VSTM5: variants seen among roughly 807,000 people sequenced by gnomAD.
VSTM5 encodes the protein V-set and transmembrane domain-containing protein 5.
A neutral mutation model predicts 20.3 loss-of-function variants in VSTM5; 21 were observed. The ratio of observed to expected loss-of-function variants is 1.03; its 90% CI spans 0.73 to 1.49. The LOEUF (loss-of-function observed/expected upper bound fraction) is 1.49. Among genes scored for constraint, VSTM5 ranks in the 40% most tolerant of loss-of-function variants. The pLI, the probability that VSTM5 is intolerant of heterozygous loss-of-function variation, is 0.00. For synonymous variants in VSTM5, 100 were observed against 102.5 expected (o/e 0.98, Z 0.14); for missense variants, 219 against 250.0 (o/e 0.88, Z 0.84).
intron 1 of VSTM5, among the ~76,000 whole-genome samples, chr11:93,829,051 C>T (rs943632839): frequency 5.9e-5 from 9 of 152,152 alleles, no homozygotes; most frequent in African/African-American, 1.7e-4. Context: ...AGCAACAGGC[C>T]GGGCAATGAC....
chr11:93,821,109 GT>G lies in VSTM5; in HGVS notation c.305del (p.Asn102ThrfsTer11). 6.4e-7 allele frequency: 1 copy of G among 1,552,010 alleles called. No individual in the cohort carries two copies. Among genetic ancestry groups the G allele is most frequent in the Middle Eastern group, 1.7e-4 (1 of 5,996 alleles). ...SHKDRVCTFD[N>X]GSIQLFSVGV... ...CCACGCTGAAGAGCTGGATGGAGCC[GT>G]TGTCAAAGGTGCAGACTCTGTCCTT... On this transcript the variant is annotated frameshift_variant, in exon 2 of 4. Transcript: ENST00000409977. LOFTEE classifies it high-confidence loss of function.
rs1555036042 is a variant in VSTM5 at position 93,818,532 on chromosome 11, G to GGA, written c.*2036_*2037insTC. 1.4e-5 allele frequency: 2 copies of GGA among 143,980 alleles called. No homozygotes were observed. Among genetic ancestry groups the GGA allele is most frequent in the East Asian group, 2.2e-4 (1 of 4,518 alleles). 8.9% of individuals were successfully genotyped at this position (143,980 alleles called of 1,614,324 possible). On this transcript the variant is annotated 3_prime_UTR_variant, in exon 4 of 4. Transcript: ENST00000409977. ...TGTGAATAAACTGTCATGAGATTTG[G>GGA]GCGGGGGGGCAATTTAATTGACATC...
rs564024202 is a variant in VSTM5, at chr11:93,834,092, C to A, written c.92-12769G>T. Among the ~76,000 whole-genome samples the A allele has an allele frequency of 4.6e-5, 7 of 152,228 alleles. No individual in the cohort carries two copies. In the East Asian group the frequency reaches 1.2e-3, roughly 25 times the overall value. On this transcript the variant is annotated intron_variant, in intron 1 of 3. Coordinates refer to ENST00000409977, the MANE Select transcript of VSTM5 (RefSeq NM_001144871.2). ...TTTCATCATATCTACCTGGTAAGGC[C>A]CTAGTCCTGGGACTAACAATGTTCT...
chr11:93,829,774 G>A (rs918291524), intron 1 of VSTM5, among the ~76,000 whole-genome samples: 1 of 152,144 alleles, frequency 6.6e-6, no homozygotes, highest in Non-Finnish European at 1.5e-5. Flanking sequence ...GCTCAGCACT[G>A]CACTTGCCAC....
chr11:93,849,200 C>T (rs1366724275), intron 1 of VSTM5, among the ~76,000 whole-genome samples: 1 of 152,210 alleles, frequency 6.6e-6, no homozygotes, highest in Non-Finnish European at 1.5e-5. Flanking sequence ...GGCTAGAGTG[C>T]AGTGGCACAA....
rs192115432 is a variant in VSTM5 at position 93,840,621 on chromosome 11, G to T, written c.91+9791C>A. ...GTCCTATTTCTAGGGATGCTCTGGG[G>T]GCTTAGGAGGAAGAACAGGCAGGCA... On this transcript the variant is annotated intron_variant, in intron 1 of 3. Coordinates refer to ENST00000409977, the MANE Select transcript of VSTM5 (RefSeq NM_001144871.2). Among the ~76,000 whole-genome samples, 6 of 152,246 alleles carry T rather than the reference G, an allele frequency of 3.9e-5. No homozygotes were observed. The East Asian group carries it at 1.2e-3, about 29-fold the overall frequency.
At chr11:93,846,116 G>A (rs1405901348) in intron 1 of VSTM5, among the ~76,000 whole-genome samples, 2 of 152,182 alleles carry the variant, frequency 1.3e-5, no homozygotes, top group East Asian at 1.9e-4. Flanking sequence ...TCGGCCTCCC[G>A]CGTAGCTGGG....
chr11:93,833,675 A>G (rs1944300392), intron 1 of VSTM5, among the ~76,000 whole-genome samples: 1 of 152,208 alleles, frequency 6.6e-6, no homozygotes. Context: ...CCAAGAAAAC[A>G]AAACTTGTTC....
At chr11:93,823,783 A>G (rs1473801308) in intron 1 of VSTM5, among the ~76,000 whole-genome samples, 1 of 152,180 alleles carries the variant, frequency 6.6e-6, no homozygotes, top group Non-Finnish European at 1.5e-5. Flanking sequence ...CTGTCTATGG[A>G]CACTTGGATA....
At chr11:93,824,246 C>G (rs767770082) in intron 1 of VSTM5, among the ~76,000 whole-genome samples, 1 of 152,128 alleles carries the variant, frequency 6.6e-6, no homozygotes, top group Non-Finnish European at 1.5e-5. Context: ...AATCTCCATA[C>G]TTTTTTCATA....
chr11:93,821,448 T>A, intron 1 of VSTM5, 125 bp from the exon 2 acceptor site: 1 of 920,926 alleles, frequency 1.1e-6, no homozygotes, highest in Non-Finnish European at 1.6e-6. Context: ...GGAACTGTTC[T>A]AGGTTCTGGT....
At chr11:93,826,215 G>A (rs1944236965) in intron 1 of VSTM5, among the ~76,000 whole-genome samples, 1 of 151,198 alleles carries the variant, frequency 6.6e-6, no homozygotes, top group African/African-American at 2.4e-5. Flanking sequence ...ACTCCAGCCT[G>A]GGCAACAGAG....
intron 1 of VSTM5, among the ~76,000 whole-genome samples, chr11:93,832,729 CG>C (rs1367608563): frequency 6.6e-6 from 1 of 152,164 alleles, no homozygotes; most frequent in Non-Finnish European, 1.5e-5. Context: ...TTTCCCTTCC[CG>C]GGCACTTGCT....
intron 1 of VSTM5, among the ~76,000 whole-genome samples, chr11:93,828,736 C>T (rs586029): frequency 0.99 from 151,390 of 152,330 alleles, 75,247 homozygotes; most frequent in Middle Eastern, 1. Context: ...AGCTGAGAAC[C>T]AGAAACTAAG....
intron 1 of VSTM5, among the ~76,000 whole-genome samples, chr11:93,846,648 GAAGTTGAAAGGAATGCACTTC>G (rs1944412452): frequency 6.6e-6 from 1 of 152,052 alleles, no homozygotes; most frequent in Admixed American, 6.5e-5. Context: ...CATATGTAGA[GAAGTTGAAAGGAATGCACTTC>G]CTTTATCAAC....
intron 1 of VSTM5, among the ~76,000 whole-genome samples, chr11:93,832,029 C>T (rs1944287230): frequency 6.6e-6 from 1 of 152,116 alleles, no homozygotes; most frequent in African/African-American, 2.4e-5. Context: ...CCTTTTGACC[C>T]AGAAATTCCA....
intron 1 of VSTM5, among the ~76,000 whole-genome samples, chr11:93,834,069 T>G (rs1944303555): frequency 6.6e-6 from 1 of 152,138 alleles, no homozygotes; most frequent in Non-Finnish European, 1.5e-5. Flanking sequence ...TTCTGCCTTT[T>G]CATCATATCT....
intron 1 of VSTM5, among the ~76,000 whole-genome samples, chr11:93,849,274 C>T (rs1188624747): frequency 1.3e-5 from 2 of 152,188 alleles, no homozygotes; most frequent in Admixed American, 6.5e-5. Context: ...GCTCCCCCGC[C>T]GCCCACCCCA....
chr11:93,846,491 T>A (rs1282191782), intron 1 of VSTM5, among the ~76,000 whole-genome samples: 3 of 152,232 alleles, frequency 2.0e-5, no homozygotes, highest in African/African-American at 7.2e-5. Context: ...AGCTGGCACC[T>A]CTTCCATACG....
Sources: gnomAD v4.1 joint callset for allele counts (sites outside exome capture counted in the v4.1 genomes callset) on GRCh38, gnomAD v4.1.1 for gene constraint, MANE v1.5 for transcripts, NCBI Gene and HGNC (gene_info 2026-07-23, HGNC 2026-07-21) for gene names.